The following HESX1 variants were observed in gnomAD, a reference collection of about 807,000 sequenced individuals.
The protein encoded by HESX1 is HESX homeobox 1, also known as homeobox expressed in ES cells 1.
A neutral mutation model predicts 22.5 loss-of-function variants in HESX1; 11 were observed. That is an observed-to-expected ratio of 0.49 (90% CI 0.31 to 0.81). The LOEUF (loss-of-function observed/expected upper bound fraction) is 0.81. Among genes scored for constraint, HESX1 ranks in the 30% least tolerant of loss-of-function variants. The probability of loss-of-function intolerance (pLI) is 0.05; values close to 1 mark genes in which losing one functional copy is unlikely to be tolerated. For missense variants in HESX1, 201 were observed against 212.6 expected (o/e 0.95, Z 0.34); for synonymous variants, 74 against 76.5 (o/e 0.97, Z 0.17).
In HESX1 at chr3:57,208,218, C is replaced by G. The variant is rs369354451; in HGVS notation, c.-110-8190G>C. 2.0e-5 allele frequency among the ~76,000 whole-genome samples: 3 copies of G among 152,136 alleles called. No individual in the cohort carries two copies. The South Asian group carries it at 6.2e-4, about 31-fold the overall frequency. On this transcript the variant is annotated intron_variant, in intron 1 of 2. Transcript: ENST00000495160. ...ACAGCTGTATGCATTTGTCAGTACTCATTGATTGGTACTCTAAAATTTGTT... is the reference window on the plus strand; with the variant it reads ...ACAGCTGTATGCATTTGTCAGTACTGATTGATTGGTACTCTAAAATTTGTT...
chr3:57,224,296 T>A (rs1238537510), intron 1 of HESX1, among the ~76,000 whole-genome samples: 1 of 152,180 alleles, frequency 6.6e-6, no homozygotes, highest in Admixed American at 6.5e-5. Context: ...TTTTTTAAAA[T>A]TTTAATTTAA....
At chr3:57,201,867 A>ATC (rs1311004612), upstream of HESX1, among the ~76,000 whole-genome samples, 1 of 139,524 alleles carries the variant, frequency 7.2e-6, no homozygotes, top group Admixed American at 7.6e-5. Flanking sequence ...ATCTATATCT[A>ATC]TCTATCTATA....
chr3:57,227,116 T>G (rs2060651214), upstream of HESX1, among the ~76,000 whole-genome samples: 1 of 152,214 alleles, frequency 6.6e-6, no homozygotes, highest in South Asian at 2.1e-4. Context: ...AGTTGCAGCG[T>G]CAGTCCTGAA....
intron 1 of HESX1, 49 bp downstream of exon 1, chr3:57,199,713 C>T (rs2060472774): frequency 6.4e-7 from 1 of 1,569,164 alleles, no homozygotes; most frequent in Non-Finnish European, 8.8e-7. Context: ...GCAAATTAAA[C>T]ACTGTAAATG....
upstream of HESX1, among the ~76,000 whole-genome samples, chr3:57,204,075 GC>G (rs2060505599): frequency 2.6e-5 from 4 of 152,352 alleles, no homozygotes; most frequent in East Asian, 7.7e-4. Flanking sequence ...GCAGCCTGCA[GC>G]CAAGTCAGCC....
At chr3:57,212,935 C>T (rs2060563974) in intron 1 of HESX1, among the ~76,000 whole-genome samples, 1 of 152,076 alleles carries the variant, frequency 6.6e-6, no homozygotes, top group Admixed American at 6.6e-5. Context: ...AATGCTATCC[C>T]TCCTCCAGCC....
chr3:57,212,300 C>T (rs1443143525), intron 1 of HESX1, among the ~76,000 whole-genome samples: 1 of 151,998 alleles, frequency 6.6e-6, no homozygotes, highest in East Asian at 1.9e-4. Context: ...GTGGCTCACA[C>T]CTATAATCCC....
intron 1 of HESX1, among the ~76,000 whole-genome samples, chr3:57,210,378 A>G (rs1245980606): frequency 6.6e-6 from 1 of 152,212 alleles, no homozygotes; most frequent in Non-Finnish European, 1.5e-5. Context: ...CCAAATCATT[A>G]ACATCAGGAA....
chr3:57,199,100 T>C, intron 1 of HESX1, 148 bp from the exon 2 acceptor site: 1 of 712,292 alleles, frequency 1.4e-6, no homozygotes, highest in Non-Finnish European at 2.4e-6. Context: ...CAAAAACCAA[T>C]AAAAAATGAA....
intron 1 of HESX1, among the ~76,000 whole-genome samples, chr3:57,212,557 CAAAAA>C (rs56093005): frequency 1.2e-5 from 1 of 80,156 alleles, no homozygotes; most frequent in African/African-American, 5.5e-5. Flanking sequence ...GACTCTGTCT[CAAAAA>C]AAAAAAAAAA....
chr3:57,205,966 G>A lies in HESX1; in HGVS notation c.-110-5938C>T, dbSNP rs189373641. Among the ~76,000 whole-genome samples, 709 of 152,208 alleles carry A rather than the reference G, an allele frequency of 4.7e-3. 3 individuals carry two copies. The highest frequency in any genetic ancestry group is 0.016 in the African/African-American group (670 of 41,538). On this transcript the variant is annotated intron_variant, in intron 1 of 2. Transcript: ENST00000495160. ...AGCACTTTGGGAGGCCGAGGTGGGC[G>A]GGTCACTTGAGGTCAGGAGTTTGAG...
chr3:57,226,540 A>G (rs1283730248), upstream of HESX1: 1 of 152,232 alleles, frequency 6.6e-6, no homozygotes, highest in Admixed American at 6.5e-5. Flanking sequence ...TAAAACTACA[A>G]TGCAAGTCTA....
chr3:57,200,380 CTAATT>C (rs1261895576), upstream of HESX1, among the ~76,000 whole-genome samples: 1 of 152,140 alleles, frequency 6.6e-6, no homozygotes, highest in African/African-American at 2.4e-5. Context: ...AATAAATAAT[CTAATT>C]TAAGTAAATT....
At chr3:57,216,458 A>G (rs2060583234) in intron 1 of HESX1, among the ~76,000 whole-genome samples, 1 of 152,046 alleles carries the variant, frequency 6.6e-6, no homozygotes, top group African/African-American at 2.4e-5. Flanking sequence ...AAAAGCCACA[A>G]AAAATTAGCC....
upstream of HESX1, among the ~76,000 whole-genome samples, chr3:57,201,131 G>A (rs1054476964): frequency 2.0e-5 from 3 of 152,134 alleles, no homozygotes; most frequent in Admixed American, 1.3e-4. Flanking sequence ...CACTCATAGA[G>A]GAAATAGCCT....
intron 1 of HESX1, among the ~76,000 whole-genome samples, chr3:57,222,470 G>T (rs2060620940): frequency 6.6e-6 from 1 of 151,836 alleles, no homozygotes; most frequent in Non-Finnish European, 1.5e-5. Context: ...TGTTGCACAG[G>T]TTAGTCTCAA....
intron 1 of HESX1, among the ~76,000 whole-genome samples, chr3:57,209,338 G>T (rs2060538724): frequency 6.6e-6 from 1 of 152,046 alleles, no homozygotes; most frequent in South Asian, 2.1e-4. Flanking sequence ...TAGAAGTATA[G>T]AACAATACTG....
intron 1 of HESX1, among the ~76,000 whole-genome samples, chr3:57,219,519 C>G (rs1329850860): frequency 6.6e-6 from 1 of 152,102 alleles, no homozygotes; most frequent in Non-Finnish European, 1.5e-5. Context: ...AGGTGCCCAC[C>G]ACCACGCCTG....
chr3:57,217,112 G>A (rs1401770045), intron 1 of HESX1, among the ~76,000 whole-genome samples: 1 of 152,082 alleles, frequency 6.6e-6, no homozygotes, highest in African/African-American at 2.4e-5. Flanking sequence ...CTTAGGATAA[G>A]CCATTCCTCC....
Sources: gnomAD v4.1 joint callset for allele counts (sites outside exome capture counted in the v4.1 genomes callset) on GRCh38, gnomAD v4.1.1 for gene constraint, MANE v1.5 for transcripts, NCBI Gene and HGNC (gene_info 2026-07-23, HGNC 2026-07-21) for gene names.